The following CTBP2 variants were observed in gnomAD, a reference collection of about 807,000 sequenced individuals.
CTBP2 encodes the protein C-terminal-binding protein 2.
A neutral mutation model predicts 80.3 loss-of-function variants in CTBP2; 30 were observed. The ratio of observed to expected loss-of-function variants is 0.37; its 90% CI spans 0.28 to 0.51. CTBP2 has a LOEUF of 0.51. CTBP2 is among the 20% of genes least tolerant of loss of function. The pLI is 0.93. For missense variants in CTBP2, 1,212 were observed against 1,375.3 expected, an observed-to-expected ratio of 0.88 and a Z score of 1.88; for synonymous variants, 594 against 587.4, an observed-to-expected ratio of 1.01 and a Z score of -0.16.
rs189703950 is a variant in CTBP2 at position 125,101,933 on chromosome 10, G to A, written c.-102+9057C>T. On this transcript the variant is annotated intron_variant, in intron 2 of 10. Coordinates refer to the CTBP2 transcript ENST00000337195. Reference sequence around the variant, plus strand: ...TTGTGGTGAAGTCAGGGCCTTCAGTGCCTCGATCGCTGAAACAATGCACAT... The same window carrying A: ...TTGTGGTGAAGTCAGGGCCTTCAGTACCTCGATCGCTGAAACAATGCACAT... Among the ~76,000 whole-genome samples, 193 of 152,238 alleles carry A rather than the reference G, an allele frequency of 1.3e-3. 2 individuals are homozygous for A. Among genetic ancestry groups the A allele is most frequent in the African/African-American group, 4.2e-3 (174 of 41,536 alleles).
At chr10:125,082,324 C>A (rs989205541) in intron 2 of CTBP2, among the ~76,000 whole-genome samples, 2 of 152,258 alleles carry the variant, frequency 1.3e-5, no homozygotes, top group African/African-American at 4.8e-5. Context: ...ATGCTCCTTA[C>A]AGCCAATGGG....
chr10:125,026,742 G>T lies in CTBP2; in HGVS notation c.1018C>A (p.Arg340Ser), dbSNP rs765787617. Reference sequence around the variant, plus strand: ...CTATTGGCCAGGCGGCTCAGAACACGGGCCTGGCCCAGGTTGGGTGCGACA... The same window carrying T: ...CTATTGGCCAGGCGGCTCAGAACACTGGCCTGGCCCAGGTTGGGTGCGACA... The change falls in exon 1 of 9, where the codon CGT becomes AGT. Residue 340 changes from arginine (R) to serine (S), a missense_variant. Arg to Ser is a moderately radical substitution (Grantham distance 110, BLOSUM62 -1). Around this residue, in one of 3 missense-constraint regions of CTBP2, gnomAD observed 848 missense variants for 782.3 expected, o/e 1.08. Coordinates refer to ENST00000309035, the MANE Select transcript of CTBP2 (RefSeq NM_022802.3). 1.9e-6 allele frequency: 3 copies of T among 1,612,966 alleles called. No individual in the cohort carries two copies. Among genetic ancestry groups the T allele is most frequent in the Non-Finnish European group, 2.5e-6 (3 of 1,179,948 alleles).
intron 2 of CTBP2, among the ~76,000 whole-genome samples, chr10:125,108,820 G>A (rs1445122192): frequency 6.6e-6 from 1 of 152,228 alleles, no homozygotes; most frequent in Non-Finnish European, 1.5e-5. Context: ...CTCCAGTGAT[G>A]GCCAGCTCCA....
At chr10:125,013,209 T>A (rs1412308976) in intron 1 of CTBP2, among the ~76,000 whole-genome samples, 3 of 152,106 alleles carry the variant, frequency 2.0e-5, no homozygotes, top group Non-Finnish European at 4.4e-5. Context: ...ATGCCCACCA[T>A]CTGCTCAGCC....
At chr10:125,144,944 A>C (rs1858482902) in intron 1 of CTBP2, among the ~76,000 whole-genome samples, 1 of 152,172 alleles carries the variant, frequency 6.6e-6, no homozygotes, top group Non-Finnish European at 1.5e-5. Context: ...CTGAATACGG[A>C]ACTAGCTCCA....
chr10:125,057,888 G>C (rs1162262795), intron 2 of CTBP2, among the ~76,000 whole-genome samples: 1 of 152,152 alleles, frequency 6.6e-6, no homozygotes, highest in Non-Finnish European at 1.5e-5. Flanking sequence ...GCAGGTCACA[G>C]GTCTGGGTCC....
At chr10:125,059,352 G>A (rs577678891) in intron 2 of CTBP2, among the ~76,000 whole-genome samples, 3 of 152,148 alleles carry the variant, frequency 2.0e-5, no homozygotes, top group Admixed American at 6.5e-5. Flanking sequence ...AGGCTGAGGC[G>A]GGCAGGTCAC....
intron 2 of CTBP2, among the ~76,000 whole-genome samples, chr10:125,080,509 G>C (rs1251947742): frequency 6.6e-6 from 1 of 152,162 alleles, no homozygotes; most frequent in Admixed American, 6.5e-5. Context: ...AGCATGGGAG[G>C]GCTGCCACCT....
intron 1 of CTBP2, among the ~76,000 whole-genome samples, chr10:125,142,150 C>T (rs749350559): frequency 3.3e-5 from 5 of 152,142 alleles, no homozygotes; most frequent in Non-Finnish European, 7.4e-5. Flanking sequence ...GCCTACTTTG[C>T]GGAGGAGGTG....
At chr10:125,049,092 C>CACACGT (rs1255245867) in intron 2 of CTBP2, among the ~76,000 whole-genome samples, 1 of 144,046 alleles carries the variant, frequency 6.9e-6, no homozygotes, top group Non-Finnish European at 1.5e-5. Flanking sequence ...CACACACACA[C>CACACGT]GTCCACCTGA....
At chr10:125,161,423 G>T (rs765290149), upstream of CTBP2, among the ~76,000 whole-genome samples, 2 of 152,018 alleles carry the variant, frequency 1.3e-5, no homozygotes, top group African/African-American at 4.8e-5. Context: ...CGCGAGCCCC[G>T]GGTGGCCCCG....
At chr10:125,016,596 C>T (rs1956517781) in intron 1 of CTBP2, among the ~76,000 whole-genome samples, 1 of 152,252 alleles carries the variant, frequency 6.6e-6, no homozygotes, top group Non-Finnish European at 1.5e-5. Context: ...AAGCCTCATG[C>T]TTGCAGCACA....
At position 125,152,853 on chromosome 10, in the gene CTBP2, T is replaced by C. The variant is rs913182882; in HGVS notation, c.-206+7466A>G. Among the ~76,000 whole-genome samples the C allele has an allele frequency of 3.9e-5, 6 of 152,160 alleles. No homozygotes were observed. The South Asian group carries it at 6.2e-4, about 16-fold the overall frequency. ...GCCTCTATCCAGTCCGCAGGGCAGA[T>C]AGAGCAATCCAGAGTGCGGACCACA... is the stretch of plus-strand genomic sequence containing the variant. On this transcript the variant is annotated intron_variant, in intron 1 of 10. Transcript: ENST00000337195.
At chr10:125,022,611 G>T (rs1436987853) in intron 1 of CTBP2, among the ~76,000 whole-genome samples, 1 of 152,244 alleles carries the variant, frequency 6.6e-6, no homozygotes, top group Non-Finnish European at 1.5e-5. Context: ...AGGACTCAGG[G>T]GTCCTGGGGG....
At chr10:125,142,558 G>A (rs550301870) in intron 1 of CTBP2, among the ~76,000 whole-genome samples, 13 of 152,294 alleles carry the variant, frequency 8.5e-5, no homozygotes, top group Admixed American at 7.2e-4. Flanking sequence ...ACCCGGTGGC[G>A]ACGCCTAGAT....
At chr10:125,112,431 T>G (rs1306748379) in intron 1 of CTBP2, among the ~76,000 whole-genome samples, 1 of 81,556 alleles carries the variant, frequency 1.2e-5, no homozygotes, top group African/African-American at 7.3e-5. Flanking sequence ...ACCTTTTTCG[T>G]TTTTTTTTTT....
chr10:125,103,902 C>T (rs1020799096), intron 2 of CTBP2, among the ~76,000 whole-genome samples: 9 of 152,186 alleles, frequency 5.9e-5, no homozygotes, highest in Non-Finnish European at 1.2e-4. Context: ...TCTCCCCCTA[C>T]ATCCCTGAGG....
intron 4 of CTBP2, chr10:124,996,133 C>T (rs542245217): frequency 6.7e-6 from 1 of 148,830 alleles, no homozygotes; most frequent in East Asian, 2.0e-4. Flanking sequence ...CTTAATCCTG[C>T]TACTGACTTA....
chr10:125,145,373 C>A (rs1355051430), intron 1 of CTBP2, among the ~76,000 whole-genome samples: 1 of 152,120 alleles, frequency 6.6e-6, no homozygotes, highest in Non-Finnish European at 1.5e-5. Context: ...CAGAAGCCAA[C>A]CTTTTGAGCA....
Sources: gnomAD v4.1 joint callset for allele counts (sites outside exome capture counted in the v4.1 genomes callset) on GRCh38, gnomAD v4.1.1 for gene constraint, gnomAD v4.1.1 regional missense constraint, MANE v1.5 for transcripts, NCBI Gene and HGNC (gene_info 2026-07-23, HGNC 2026-07-21) for gene names.